POLN: variants seen among roughly 807,000 people sequenced by gnomAD.
The protein encoded by POLN is DNA polymerase N.
POLN carries 108 observed loss-of-function variants against 113.5 expected under a neutral mutation model. The ratio of observed to expected loss-of-function variants is 0.95; its 90% CI spans 0.81 to 1.12. The LOEUF (loss-of-function observed/expected upper bound fraction) is 1.12. POLN is among the 50% of genes most tolerant of loss of function. The pLI is 0.00. For missense variants in POLN, 1,097 were observed against 1,077.1 expected (o/e 1.02, Z -0.26); for synonymous variants, 386 against 391.5 (o/e 0.99, Z 0.17).
At chr4:2,206,404 T>C (rs1733842659) in intron 5 of POLN, among the ~76,000 whole-genome samples, 1 of 152,192 alleles carries the variant, frequency 6.6e-6, no homozygotes, top group African/African-American at 2.4e-5. Flanking sequence ...AGCTGGGACT[T>C]AATTAAACTA....
At chr4:2,097,614 C>G (rs933098840) in intron 19 of POLN, among the ~76,000 whole-genome samples, 2 of 150,832 alleles carry the variant, frequency 1.3e-5, no homozygotes, top group Admixed American at 6.6e-5. Context: ...TCCCAAAGTG[C>G]TGGGATTACA....
chr4:2,221,759 G>A lies in POLN; in HGVS notation c.133+7340C>T, dbSNP rs1734258673. Among the ~76,000 whole-genome samples, 5 of 152,106 alleles carry A rather than the reference G, an allele frequency of 3.3e-5. No individual in the cohort carries two copies. The South Asian group carries it at 8.3e-4, about 25-fold the overall frequency. On this transcript the variant is annotated intron_variant, in intron 3 of 25. Coordinates refer to ENST00000511885, the MANE Select transcript of POLN (RefSeq NM_181808.4). ...CTCGGCTAATATTCGATTTTTAGTA[G>A]AGACAGGGTTCCACCACGTTGGCCA... is the stretch of plus-strand genomic sequence containing the variant.
At chr4:2,117,174 AG>A (rs1731336082) in intron 19 of POLN, among the ~76,000 whole-genome samples, 1 of 152,226 alleles carries the variant, frequency 6.6e-6, no homozygotes, top group Non-Finnish European at 1.5e-5. Context: ...CAGAAGAAGA[AG>A]ATAAAATGGG....
intron 16 of POLN, among the ~76,000 whole-genome samples, chr4:2,153,443 G>A (rs1270114254): frequency 1.3e-5 from 2 of 152,176 alleles, no homozygotes; most frequent in Non-Finnish European, 2.9e-5. Context: ...ATGTGTGTGT[G>A]CATAAAGAAG....
intron 3 of POLN, among the ~76,000 whole-genome samples, chr4:2,216,907 C>T (rs1577779922): frequency 6.6e-6 from 1 of 152,326 alleles, no homozygotes; most frequent in South Asian, 2.1e-4. Flanking sequence ...GGGCCATGCA[C>T]AGCATCTACC....
chr4:2,126,933 G>A lies in POLN; in HGVS notation c.1982+1180C>T, dbSNP rs979612654. Among the ~76,000 whole-genome samples the A allele has an allele frequency of 5.3e-5, 8 of 152,162 alleles. No homozygotes were observed. Among genetic ancestry groups the A allele is most frequent in the Non-Finnish European group, 8.8e-5 (6 of 68,028 alleles). On this transcript the variant is annotated intron_variant, in intron 19 of 25. Transcript: ENST00000511885. The surrounding 1 kb of genome is among the most constrained non-coding windows in gnomAD (Gnocchi z 4.6). ...CAGCAAAGACAGAGGCGGAGACAGCGCATGGGGAGGGGAGTGCAGGGGGCC... is the reference window on the plus strand; with the variant it reads ...CAGCAAAGACAGAGGCGGAGACAGCACATGGGGAGGGGAGTGCAGGGGGCC...
chr4:2,107,730 C>T (rs1188663728), intron 19 of POLN, among the ~76,000 whole-genome samples: 1 of 152,216 alleles, frequency 6.6e-6, no homozygotes, highest in Non-Finnish European at 1.5e-5. Context: ...CCTGCAGGTA[C>T]TGGCCATGGC....
intron 13 of POLN, among the ~76,000 whole-genome samples, chr4:2,161,761 ATG>A (rs1291789516): frequency 6.6e-6 from 1 of 152,094 alleles, no homozygotes; most frequent in East Asian, 1.9e-4. Context: ...GAGCACCTTT[ATG>A]TCTAGCTCAG....
At chr4:2,154,546 C>T (rs1001580082) in intron 16 of POLN, among the ~76,000 whole-genome samples, 3 of 152,154 alleles carry the variant, frequency 2.0e-5, no homozygotes, top group Non-Finnish European at 2.9e-5. Context: ...ATTTCACATA[C>T]TATGTGGTGG....
At chr4:2,194,995 T>C (rs577158298) in intron 6 of POLN, among the ~76,000 whole-genome samples, 2 of 152,210 alleles carry the variant, frequency 1.3e-5, no homozygotes, top group Admixed American at 6.5e-5. Context: ...TCCTCCTCTG[T>C]AAAATGGAGT....
intron 13 of POLN, among the ~76,000 whole-genome samples, chr4:2,166,093 A>T (rs1281541830): frequency 1.3e-5 from 2 of 152,112 alleles, no homozygotes; most frequent in East Asian, 1.9e-4. Context: ...GTCTATTTTT[A>T]AAAAATCTAA....
intron 11 of POLN, among the ~76,000 whole-genome samples, chr4:2,172,215 G>C (rs2759723): frequency 0.84 from 127,253 of 152,196 alleles, 54,546 homozygotes; most frequent in Non-Finnish European, 0.94. Context: ...TGCATGACCT[G>C]AAATGCTGAA....
At chr4:2,217,188 A>G (rs1734134201) in intron 3 of POLN, among the ~76,000 whole-genome samples, 1 of 152,176 alleles carries the variant, frequency 6.6e-6, no homozygotes, top group Non-Finnish European at 1.5e-5. Flanking sequence ...AGAGTTCCAA[A>G]TGTGTTAACA....
chr4:2,143,465 A>T (rs1732056236), intron 16 of POLN, among the ~76,000 whole-genome samples: 1 of 152,222 alleles, frequency 6.6e-6, no homozygotes, highest in Admixed American at 6.5e-5. Flanking sequence ...CCAATTCTTC[A>T]AAAAGCAAAA....
Position 2,085,611 on chromosome 4 carries a change from A to G in POLN, c.2197+2T>C. On this transcript the variant is annotated splice_donor_variant, in intron 21 of 25. Coordinates refer to ENST00000511885, the MANE Select transcript of POLN (RefSeq NM_181808.4). LOFTEE classifies it high-confidence loss of function. ...AGGGAGCTCTGGTTGTGGCCAACTCACCTGTCTGGTGACACTGGGCAATAG... is the reference window on the plus strand; with the variant it reads ...AGGGAGCTCTGGTTGTGGCCAACTCGCCTGTCTGGTGACACTGGGCAATAG... The G allele has an allele frequency of 6.2e-7, 1 of 1,613,588 alleles. No homozygotes were observed. Among genetic ancestry groups the G allele is most frequent in the South Asian group, 1.1e-5 (1 of 91,052 alleles).
Position 2,174,747 on chromosome 4 carries a change from TA to T in POLN, c.1252del (p.Tyr418MetfsTer14). The T allele has an allele frequency of 6.3e-7, 1 of 1,593,214 alleles. No homozygotes were observed. The highest frequency in any genetic ancestry group is 1.7e-5 in the Admixed American group (1 of 59,372). ...TMDLCSKLKDYGLWQLFRTLE... is the reference protein window; with the variant it reads ...TMDLCSKLKDXGLWQLFRTLE... ...AGTACGAAATAGTTGCCATAAACCATAATCCTGTTTAATAGGAAGAAATAAC... is the reference window on the plus strand; with the variant it reads ...AGTACGAAATAGTTGCCATAAACCATATCCTGTTTAATAGGAAGAAATAAC... On this transcript the variant is annotated frameshift_variant, in exon 10 of 26. Transcript: ENST00000511885. LOFTEE classifies it high-confidence loss of function.
intron 23 of POLN, chr4:2,078,681 C>A: frequency 2.0e-6 from 2 of 985,434 alleles, no homozygotes; most frequent in Non-Finnish European, 2.4e-6. Context: ...CCTGGAAGAA[C>A]AAATCACGTT....
At chr4:2,135,772 C>G (rs1461466624) in intron 16 of POLN, among the ~76,000 whole-genome samples, 2 of 152,182 alleles carry the variant, frequency 1.3e-5, no homozygotes, top group Admixed American at 1.3e-4. Flanking sequence ...GGCTATCACA[C>G]GCCCATGAGA....
chr4:2,241,095 TA>T (rs1410026711), intron 2 of POLN: 11 of 607,938 alleles, frequency 1.8e-5, no homozygotes, highest in East Asian at 1.2e-4. Context: ...TGATTCCTCC[TA>T]GGGGGGAAGA....
Sources: gnomAD v4.1 joint callset for allele counts (sites outside exome capture counted in the v4.1 genomes callset) on GRCh38, gnomAD v4.1.1 for gene constraint, Gnocchi (gnomAD v3.1) non-coding constraint, MANE v1.5 for transcripts, NCBI Gene and HGNC (gene_info 2026-07-23, HGNC 2026-07-21) for gene names.